ADGRV1: variants seen among roughly 807,000 people sequenced by gnomAD.
The protein encoded by ADGRV1 is G-protein coupled receptor 98.
Under a neutral mutation model 596.2 loss-of-function variants are expected in ADGRV1, and 359 were observed. That is an observed-to-expected ratio of 0.60 (90% CI 0.55 to 0.66). ADGRV1 has a LOEUF of 0.66. ADGRV1 is among the 30% of genes least tolerant of loss of function. The pLI, the probability that ADGRV1 is intolerant of heterozygous loss-of-function variation, is 0.00. For synonymous variants in ADGRV1, 2,681 were observed against 2,679.2 expected (o/e 1.00, Z -0.02); for missense variants, 7,274 against 7,575.6 (o/e 0.96, Z 1.48).
chr5:91,147,637 G>A (rs773939871), intron 87 of ADGRV1, among the ~76,000 whole-genome samples: 2 of 152,134 alleles, frequency 1.3e-5, no homozygotes, highest in African/African-American at 2.4e-5. Flanking sequence ...CCAGCTGTGT[G>A]GAACTGAGTC....
At position 90,625,118 on chromosome 5, in the gene ADGRV1, G is replaced by A. The variant is rs2149368901; in HGVS notation, c.559-12G>A. The A allele has an allele frequency of 6.5e-7, 1 of 1,531,748 alleles. No individual in the cohort carries two copies. The highest frequency in any genetic ancestry group is 9.0e-7 in the Non-Finnish European group (1 of 1,109,086). The allele number at this position is 1,531,748 out of a possible 1,614,324, so 94.9% of individuals were successfully genotyped here. ...TTTGCATTTATTGATGGCATTTTGT[G>A]TTTCTTTGCAGGTAGAGGGTGGCCC... On this transcript the variant is annotated splice_polypyrimidine_tract_variant and intron_variant, in intron 5 of 89. Coordinates refer to ENST00000405460, the MANE Select transcript of ADGRV1 (RefSeq NM_032119.4).
chr5:90,887,505 T>G (rs1770420951), intron 83 of ADGRV1, among the ~76,000 whole-genome samples: 1 of 152,154 alleles, frequency 6.6e-6, no homozygotes, highest in African/African-American at 2.4e-5. Context: ...GCAAAAACCA[T>G]GGCTGTTTTC....
At chr5:90,971,672 G>C (rs763289621) in intron 84 of ADGRV1, among the ~76,000 whole-genome samples, 2 of 152,144 alleles carry the variant, frequency 1.3e-5, no homozygotes, top group African/African-American at 2.4e-5. Flanking sequence ...GTCACCACGA[G>C]GCCTGCCCTA....
Position 90,685,835 on chromosome 5 carries a change from CA to C in ADGRV1, c.6331del (p.Ile2111LeufsTer30). On this transcript the variant is annotated frameshift_variant, in exon 29 of 90. Transcript: ENST00000405460. LOFTEE classifies it high-confidence loss of function. ...KVETIAQLII[I>X]ANDDAFGTLQ... The stretch of plus-strand genomic sequence containing the variant: ...TAGAAACTATTGCGCAACTAATTAT[CA>C]TTGCCAATGATGATGCATTTGGAAC... The C allele has an allele frequency of 6.2e-7, 1 of 1,612,228 alleles. No individual in the cohort carries two copies. The highest frequency in any genetic ancestry group is 8.5e-7 in the Non-Finnish European group (1 of 1,178,892).
At chr5:90,644,652 AT>A in intron 14 of ADGRV1, 53 bp from the exon 15 acceptor site, 1 of 1,407,646 alleles carries the variant, frequency 7.1e-7, no homozygotes, top group Admixed American at 2.3e-5. Context: ...TTTACTCATC[AT>A]TTTAAAAGTT....
At chr5:90,720,001 C>G (rs1750703771) in intron 43 of ADGRV1, 47 bp from the exon 44 acceptor site, 2 of 1,504,316 alleles carry the variant, frequency 1.3e-6, no homozygotes, top group Admixed American at 1.7e-5. Context: ...ATATGTGTTA[C>G]AAAAATACTG....
intron 87 of ADGRV1, among the ~76,000 whole-genome samples, chr5:91,132,340 A>T (rs1232253880): frequency 1.3e-5 from 2 of 152,178 alleles, no homozygotes; most frequent in Non-Finnish European, 2.9e-5. Flanking sequence ...TATCCTCATC[A>T]CTAATACATT....
At chr5:90,633,452 A>G (rs898297436) in intron 9 of ADGRV1, among the ~76,000 whole-genome samples, 2 of 152,056 alleles carry the variant, frequency 1.3e-5, no homozygotes, top group African/African-American at 4.8e-5. Flanking sequence ...CTCTTTTTGA[A>G]TATACAGCAA....
At chr5:90,702,205 A>T (rs963313721) in intron 34 of ADGRV1, among the ~76,000 whole-genome samples, 1 of 151,928 alleles carries the variant, frequency 6.6e-6, no homozygotes, top group Non-Finnish European at 1.5e-5. Context: ...TTTGTTCACA[A>T]GTTTTACAAA....
intron 20 of ADGRV1, 138 bp downstream of exon 20, chr5:90,654,090 C>A (rs1489176201): frequency 1.2e-6 from 1 of 852,276 alleles, no homozygotes; most frequent in Non-Finnish European, 1.8e-6. Context: ...TTAATCAAAA[C>A]TATGTGCCTA....
In ADGRV1 at chr5:90,622,988, G is replaced by A. The variant is rs150089006; in HGVS notation, c.558+287G>A. Among the ~76,000 whole-genome samples the A allele has an allele frequency of 0.013, 1,903 of 152,224 alleles. 40 individuals carry two copies. The highest frequency in any genetic ancestry group is 0.044 in the African/African-American group (1,810 of 41,538). On this transcript the variant is annotated intron_variant, in intron 5 of 89. Transcript: ENST00000405460. ...ACTCCTGGCCTCAGGTGATCCGCCCGCCTTGGCGTCCCAAAGTGCTGGGGT... is the reference window on the plus strand; with the variant it reads ...ACTCCTGGCCTCAGGTGATCCGCCCACCTTGGCGTCCCAAAGTGCTGGGGT...
chr5:90,725,133 T>A lies in ADGRV1; in HGVS notation c.9954T>A (p.Gly3318=). ...AAACTTGTGAGGCCTTTAATATTGG[T>A]TTTTCTCCCTACTTTGTGATTACTC... ...NPKTCEAFNI[G]FSPYFVITHE... is the part of the protein sequence containing the mutation. The change falls in exon 47 of 90, where the codon GGT becomes GGA. Residue 3318 remains glycine (G), a synonymous_variant. Transcript: ENST00000405460. The A allele has an allele frequency of 6.5e-7, 1 of 1,543,764 alleles. No homozygotes were observed. The highest frequency in any genetic ancestry group is 8.8e-7 in the Non-Finnish European group (1 of 1,135,852).
chr5:90,641,295 T>C (rs1227595425), intron 11 of ADGRV1, among the ~76,000 whole-genome samples: 2 of 152,194 alleles, frequency 1.3e-5, no homozygotes, highest in African/African-American at 2.4e-5. Context: ...GTTCCATTGG[T>C]TTTCTGAGAG....
intron 26 of ADGRV1, 36 bp from the exon 27 acceptor site, chr5:90,681,279 T>A: frequency 6.8e-7 from 1 of 1,466,258 alleles, no homozygotes; most frequent in Non-Finnish European, 9.3e-7. Context: ...CTGATCATCA[T>A]TTTTTTTTTC....
chr5:90,598,676 C>T (rs1220433493), intron 1 of ADGRV1, among the ~76,000 whole-genome samples: 1 of 152,162 alleles, frequency 6.6e-6, no homozygotes, highest in Admixed American at 6.5e-5. Context: ...TTTAGGAATG[C>T]ATTAGCCACT....
In ADGRV1 at chr5:91,039,908, A is replaced by C. The variant is rs947664228; in HGVS notation, c.18153-32539A>C. On this transcript the variant is annotated intron_variant, in intron 85 of 89. Coordinates refer to ENST00000405460, the MANE Select transcript of ADGRV1 (RefSeq NM_032119.4). ...AGTGGTGGTTTAATTTGGCTATTTT[A>C]CTACTCTTAAATTAGATCTTTGTAT... Among the ~76,000 whole-genome samples the C allele has an allele frequency of 3.9e-5, 6 of 152,176 alleles. No homozygotes were observed. The South Asian group carries it at 1.2e-3, about 32-fold the overall frequency.
chr5:90,831,434 A>G (rs919459347), intron 77 of ADGRV1, among the ~76,000 whole-genome samples: 1 of 152,046 alleles, frequency 6.6e-6, no homozygotes, highest in South Asian at 2.1e-4. Flanking sequence ...TAATTTTTGT[A>G]GGTACATAGT....
intron 85 of ADGRV1, among the ~76,000 whole-genome samples, chr5:91,007,210 G>A (rs981624428): frequency 6.6e-6 from 1 of 152,222 alleles, no homozygotes; most frequent in Non-Finnish European, 1.5e-5. Flanking sequence ...GACCCTGGAA[G>A]GGGCCATGCA....
intron 83 of ADGRV1, among the ~76,000 whole-genome samples, chr5:90,939,928 G>C (rs1165794344): frequency 6.6e-6 from 1 of 152,138 alleles, no homozygotes; most frequent in Non-Finnish European, 1.5e-5. Context: ...CTTCAAACCT[G>C]ATGCCATTTT....
Sources: allele counts gnomAD v4.1 joint callset (sites outside exome capture counted in the v4.1 genomes callset), GRCh38; gene constraint gnomAD v4.1.1; transcripts MANE v1.5; gene names NCBI Gene and HGNC (gene_info 2026-07-23, HGNC 2026-07-21).